DUSP15: variants seen among roughly 807,000 people sequenced by gnomAD.
DUSP15 encodes the protein dual specificity phosphatase 15, also known as dual specificity protein phosphatase 15.
DUSP15 carries 23 observed loss-of-function variants against 26.3 expected under a neutral mutation model. The ratio of observed to expected loss-of-function variants is 0.87; its 90% CI spans 0.63 to 1.24. The LOEUF is 1.24. DUSP15 is among the 50% of genes most tolerant of loss of function. The pLI is 0.00. For missense variants in DUSP15, 364 were observed against 320.6 expected, an observed-to-expected ratio of 1.14 and a Z score of -1.03; for synonymous variants, 143 against 135.5, an observed-to-expected ratio of 1.06 and a Z score of -0.39.
chr20:31,847,052 C>T (rs191898637), downstream of DUSP15, among the ~76,000 whole-genome samples: 26 of 152,232 alleles, frequency 1.7e-4, no homozygotes, highest in East Asian at 3.9e-4. Context: ...GAGGAGGGGA[C>T]GGCATCCTCT....
chr20:31,846,181 TAC>T (rs1445569718), downstream of DUSP15, among the ~76,000 whole-genome samples: 6 of 128,772 alleles, frequency 4.7e-5, no homozygotes, highest in Admixed American at 3.2e-4. Flanking sequence ...CACACACATA[TAC>T]ACAGAGACAG....
intron 6 of DUSP15, 32 bp from the exon 7 acceptor site, chr20:31,861,707 A>T: frequency 2.0e-6 from 1 of 501,930 alleles, no homozygotes; most frequent in Non-Finnish European, 2.6e-6. Flanking sequence ...GGCGGGGTCA[A>T]GGCCGGCGCG....
intron 6 of DUSP15, 55 bp from the exon 7 acceptor site, chr20:31,861,730 G>T: frequency 7.5e-7 from 1 of 1,331,510 alleles, no homozygotes; most frequent in Non-Finnish European, 9.7e-7. Flanking sequence ...GCGGGGTCAA[G>T]GCAGCCGGCC....
At chr20:31,864,570 C>G (rs959612859) in intron 4 of DUSP15, 4 of 604,102 alleles carry the variant, frequency 6.6e-6, no homozygotes, top group Non-Finnish European at 8.3e-6. Context: ...CAGGTGAGGC[C>G]CAGAGCGGGG....
downstream of DUSP15, among the ~76,000 whole-genome samples, chr20:31,846,880 A>G (rs995572575): frequency 2.6e-5 from 4 of 152,196 alleles, no homozygotes; most frequent in African/African-American, 7.2e-5. Flanking sequence ...TGGGGAGGCA[A>G]CAGGTTCCCC....
chr20:31,869,865 T>C, intron 1 of DUSP15: 1 of 1,404,314 alleles, frequency 7.1e-7, no homozygotes, highest in Non-Finnish European at 9.3e-7. Flanking sequence ...GGAAGGCAGG[T>C]CTTAGGAGGA....
intron 1 of DUSP15, chr20:31,869,967 G>C (rs2062884408): frequency 7.4e-7 from 1 of 1,354,076 alleles, no homozygotes; most frequent in African/African-American, 1.5e-5. Flanking sequence ...AGGCGGGACA[G>C]GATGGAGAAA....
chr20:31,866,649 C>A (rs2062772445), intron 3 of DUSP15, among the ~76,000 whole-genome samples: 1 of 152,188 alleles, frequency 6.6e-6, no homozygotes, highest in African/African-American at 2.4e-5. Flanking sequence ...CTCACAGCAG[C>A]CTTCTGGGGG....
At chr20:31,848,254 C>T in exon 10 of DUSP15, 2 of 809,876 alleles carry the variant, frequency 2.5e-6, no homozygotes, top group East Asian at 3.1e-5. Context: ...CTCTCGAGTT[C>T]CGGGGCCCCG....
At chr20:31,861,711 CGG>C (rs1491322773) in intron 6 of DUSP15, 36 bp from the exon 7 acceptor site, 1 of 430,078 alleles carries the variant, frequency 2.3e-6, no homozygotes, top group Admixed American at 1.7e-4. Context: ...GGGTCAAGGC[CGG>C]CGCGGGGCGG....
rs1373563802 is a variant in DUSP15, at chr20:31,870,207, C to A, written c.21+110G>T. ...ACAGGGACACGGAGATGCCGCCGCACGGAGACCGGCGAGAACAGAAGGTCA... is the reference window on the plus strand; with the variant it reads ...ACAGGGACACGGAGATGCCGCCGCAAGGAGACCGGCGAGAACAGAAGGTCA... On this transcript the variant is annotated intron_variant, in intron 1 of 6. Transcript: ENST00000339738. The surrounding 1 kb of genome is among the most constrained non-coding windows in gnomAD (Gnocchi z 6.6). 4 of 1,225,272 alleles carry A rather than the reference C, an allele frequency of 3.3e-6. No homozygotes were observed. The highest frequency in any genetic ancestry group is 4.1e-6 in the Non-Finnish European group (4 of 983,650). 75.9% of individuals were successfully genotyped at this position (1,225,272 alleles called of 1,614,324 possible).
At chr20:31,868,777 G>GC (rs1316947643) in intron 2 of DUSP15, among the ~76,000 whole-genome samples, 1 of 152,160 alleles carries the variant, frequency 6.6e-6, no homozygotes, top group Non-Finnish European at 1.5e-5. Context: ...ACTGCGCCCA[G>GC]CCCCCTTAGC....
At chr20:31,857,291 G>A (rs2062576058), downstream of DUSP15, among the ~76,000 whole-genome samples, 1 of 152,144 alleles carries the variant, frequency 6.6e-6, no homozygotes, top group African/African-American at 2.4e-5. Context: ...GGTCCTCCAG[G>A]GGGATCTTTC....
chr20:31,864,577 G>C (rs752657593), intron 4 of DUSP15: 10 of 560,730 alleles, frequency 1.8e-5, no homozygotes, highest in Admixed American at 1.3e-4. Context: ...GGCCCAGAGC[G>C]GGGAAGTGAT....
At chr20:31,867,631 G>GTTTTTTTTTTTTGTTTTTTTTTTTT (rs2062797653) in intron 2 of DUSP15, among the ~76,000 whole-genome samples, 2 of 77,652 alleles carry the variant, frequency 2.6e-5, no homozygotes, top group African/African-American at 1.1e-4. Context: ...TGCCCACAAT[G>GTTTTTTTTTTTTGTTTTTTTTTTTT]TTTTTTTTTT....
At chr20:31,857,005 G>C (rs902834300), downstream of DUSP15, among the ~76,000 whole-genome samples, 1 of 152,072 alleles carries the variant, frequency 6.6e-6, no homozygotes, top group Admixed American at 6.6e-5. Context: ...TGAAGACAGT[G>C]ACATATGCTT....
At chr20:31,863,025 C>T (rs574782887) in intron 5 of DUSP15, among the ~76,000 whole-genome samples, 4 of 152,058 alleles carry the variant, frequency 2.6e-5, no homozygotes, top group Non-Finnish European at 2.9e-5. Flanking sequence ...GGGGATGTAG[C>T]GGGTATAAAA....
chr20:31,861,738 G>GC (rs1334113216), intron 6 of DUSP15, 63 bp from the exon 7 acceptor site: 5 of 1,290,642 alleles, frequency 3.9e-6, no homozygotes, highest in African/African-American at 1.6e-5. Context: ...AAGGCAGCCG[G>GC]CCCCGCCCCC....
chr20:31,848,859 C>T (rs773290076), exon 9 of DUSP15: 1 of 1,612,344 alleles, frequency 6.2e-7, no homozygotes, highest in South Asian at 1.1e-5. Flanking sequence ...GGGTCCTCCT[C>T]ACCGAAGCAC....
Sources: allele counts gnomAD v4.1 joint callset (sites outside exome capture counted in the v4.1 genomes callset), GRCh38; gene constraint gnomAD v4.1.1; non-coding constraint Gnocchi (gnomAD v3.1); transcripts MANE v1.5; gene names NCBI Gene and HGNC (gene_info 2026-07-23, HGNC 2026-07-21).